The following URI1 variants were observed in gnomAD, a reference collection of about 807,000 sequenced individuals.
URI1 encodes the protein unconventional prefoldin RPB5 interactor 1.
URI1 carries 39 observed loss-of-function variants against 60.2 expected under a neutral mutation model. The ratio of observed to expected loss-of-function variants is 0.65; its 90% CI spans 0.50 to 0.85. URI1 has a LOEUF of 0.85. Ranked by LOEUF, URI1 falls within the 40% of genes least tolerant of loss-of-function variation. URI1 has a pLI of 0.00. For missense variants in URI1, 691 were observed against 665.9 expected, an observed-to-expected ratio of 1.04 and a Z score of -0.42; for synonymous variants, 251 against 236.8, an observed-to-expected ratio of 1.06 and a Z score of -0.55.
chr19:30,012,242 T>C (rs2056030132), intron 9 of URI1, 43 bp from the exon 10 acceptor site: 1 of 1,524,738 alleles, frequency 6.6e-7, no homozygotes, highest in East Asian at 2.3e-5. Flanking sequence ...CTCAGTTTTA[T>C]GAGTTACGTA....
intron 1 of URI1, among the ~76,000 whole-genome samples, chr19:29,961,247 C>CTT (rs764946990): frequency 7.8e-6 from 1 of 128,716 alleles, no homozygotes; most frequent in African/African-American, 2.8e-5. Context: ...ATCTCCAGGC[C>CTT]TTTTTTTTTT....
intron 4 of URI1, among the ~76,000 whole-genome samples, chr19:29,995,397 T>C (rs768689855): frequency 2.0e-5 from 3 of 152,136 alleles, no homozygotes; most frequent in Non-Finnish European, 4.4e-5. Flanking sequence ...TTCAAGTCTT[T>C]TGCCCATTTT....
chr19:29,935,400 C>T (rs930008886), intron 1 of URI1, among the ~76,000 whole-genome samples: 9 of 152,032 alleles, frequency 5.9e-5, no homozygotes, highest in African/African-American at 9.7e-5. Flanking sequence ...CATGCATTTG[C>T]CCTTTAAATG....
At chr19:29,953,565 C>T (rs1275543710) in intron 1 of URI1, among the ~76,000 whole-genome samples, 1 of 152,186 alleles carries the variant, frequency 6.6e-6, no homozygotes, top group African/African-American at 2.4e-5. Context: ...ATCATTTATA[C>T]TGTCTTGAAA....
intron 1 of URI1, chr19:29,957,024 A>C (rs1178321199): frequency 1.6e-6 from 1 of 638,396 alleles, no homozygotes; most frequent in Non-Finnish European, 2.7e-6. Flanking sequence ...AGTGGCCCAG[A>C]GTAGTCTTTT....
At chr19:29,973,364 CA>C (rs1471351101) in intron 2 of URI1, among the ~76,000 whole-genome samples, 2 of 152,178 alleles carry the variant, frequency 1.3e-5, no homozygotes, top group Admixed American at 6.5e-5. Flanking sequence ...GGGTGTCTCA[CA>C]CACTACTTTT....
At chr19:29,962,356 A>G (rs975393469) in intron 1 of URI1, among the ~76,000 whole-genome samples, 7 of 138,318 alleles carry the variant, frequency 5.1e-5, no homozygotes, top group African/African-American at 1.9e-4. Flanking sequence ...CTACTTTTAT[A>G]CTGTACTTAT....
chr19:30,000,073 C>G (rs536163624), intron 4 of URI1, among the ~76,000 whole-genome samples: 36 of 151,804 alleles, frequency 2.4e-4, no homozygotes, highest in African/African-American at 8.0e-4. Flanking sequence ...CTCTGCTTCT[C>G]TAATCTTTTT....
At chr19:30,009,424 G>T in intron 8 of URI1, 71 bp downstream of exon 8, 1 of 1,346,500 alleles carries the variant, frequency 7.4e-7, no homozygotes, top group Middle Eastern at 1.9e-4. Context: ...TTTTTTAGAA[G>T]AGCAATATTA....
At position 29,981,616 on chromosome 19, in the gene URI1, A is replaced by G. The variant is rs777234790; in HGVS notation, c.153-3607A>G. Among the ~76,000 whole-genome samples, 6 of 152,130 alleles carry G rather than the reference A, an allele frequency of 3.9e-5. No individual in the cohort carries two copies. In the East Asian group the frequency reaches 5.8e-4, roughly 15 times the overall value. The stretch of plus-strand genomic sequence containing the variant: ...TATGCTTTTAGTTCTTGTTTTGTAT[A>G]AGGAATGTTGCATGAGGATATTGGA... On this transcript the variant is annotated intron_variant, in intron 2 of 10. Coordinates refer to ENST00000392271, the MANE Select transcript of URI1 (RefSeq NM_003796.3).
intron 1 of URI1, among the ~76,000 whole-genome samples, chr19:29,951,066 G>A (rs1002080788): frequency 1.3e-5 from 2 of 152,086 alleles, no homozygotes; most frequent in African/African-American, 2.4e-5. Flanking sequence ...GTCCAGCCTG[G>A]GCAACAAAGT....
At chr19:29,939,398 C>G (rs986922095), upstream of URI1, among the ~76,000 whole-genome samples, 2 of 152,078 alleles carry the variant, frequency 1.3e-5, no homozygotes, top group Non-Finnish European at 2.9e-5. Flanking sequence ...CCTCAGCCTC[C>G]CGAGTAGCTG....
chr19:29,959,178 T>TGC (rs1397695715), intron 1 of URI1, among the ~76,000 whole-genome samples: 1 of 152,130 alleles, frequency 6.6e-6, no homozygotes. Flanking sequence ...CAGGCTGGAG[T>TGC]GCAGTGGCCA....
intron 1 of URI1, among the ~76,000 whole-genome samples, chr19:29,957,322 C>G (rs193138109): frequency 8.0e-6 from 1 of 125,092 alleles, no homozygotes; most frequent in Non-Finnish European, 1.8e-5. Flanking sequence ...TGCCTTGTAC[C>G]TTGTAATTTT....
intron 1 of URI1, among the ~76,000 whole-genome samples, chr19:29,952,285 T>G (rs951976582): frequency 6.6e-6 from 1 of 152,260 alleles, no homozygotes; most frequent in African/African-American, 2.4e-5. Context: ...ATAAGAGATT[T>G]AAGAATACTG....
At chr19:29,961,675 G>GTTTTTTTTTTTTTT (rs200425572) in intron 1 of URI1, among the ~76,000 whole-genome samples, 54 of 117,470 alleles carry the variant, frequency 4.6e-4, no homozygotes, top group Non-Finnish European at 5.8e-4. Context: ...TTTTTTTTTT[G>GTTTTTTTTTTTTTT]TTTTTTTTTT....
At chr19:29,936,354 C>T (rs948386691) in intron 1 of URI1, among the ~76,000 whole-genome samples, 3 of 151,236 alleles carry the variant, frequency 2.0e-5, no homozygotes, top group Admixed American at 6.6e-5. Flanking sequence ...CTGCCCACCT[C>T]GGCCTCCCAA....
intron 1 of URI1, among the ~76,000 whole-genome samples, chr19:29,963,481 T>C (rs1048428003): frequency 6.6e-6 from 1 of 152,234 alleles, no homozygotes; most frequent in Non-Finnish European, 1.5e-5. Context: ...TTGCTATTTT[T>C]AAAATATATT....
At chr19:29,925,017 G>A (rs2145184657) in intron 1 of URI1, among the ~76,000 whole-genome samples, 1 of 152,162 alleles carries the variant, frequency 6.6e-6, no homozygotes, top group East Asian at 1.9e-4. Flanking sequence ...TGTATTTTTG[G>A]TAGAGACGGG....
Sources: allele counts gnomAD v4.1 joint callset (sites outside exome capture counted in the v4.1 genomes callset), GRCh38; gene constraint gnomAD v4.1.1; transcripts MANE v1.5; gene names NCBI Gene and HGNC (gene_info 2026-07-23, HGNC 2026-07-21).